The following COL4A2 variants were observed in gnomAD, a reference collection of about 807,000 sequenced individuals.
COL4A2 encodes the protein collagen alpha-2(IV) chain.
COL4A2 carries 99 observed loss-of-function variants against 200.2 expected under a neutral mutation model. That is an observed-to-expected ratio of 0.49 (90% CI 0.42 to 0.58). COL4A2 has a LOEUF of 0.58. COL4A2 is among the 20% of genes least tolerant of loss of function. COL4A2 has a pLI of 0.00. For synonymous variants in COL4A2, 897 were observed against 900.6 expected (o/e 1.00, Z 0.07); for missense variants, 1,950 against 2,314.1 (o/e 0.84, Z 3.23).
intron 24 of COL4A2, 56 bp downstream of exon 24, chr13:110,462,440 T>C: frequency 6.4e-7 from 1 of 1,573,220 alleles, no homozygotes; most frequent in South Asian, 1.1e-5. Flanking sequence ...CTTCAGGTTC[T>C]CCAAACACCC....
chr13:110,377,743 G>A (rs148625658), intron 4 of COL4A2, among the ~76,000 whole-genome samples: 39 of 152,294 alleles, frequency 2.6e-4, no homozygotes, highest in Non-Finnish European at 5.3e-4. Flanking sequence ...ACTAAAAATA[G>A]AGATAATAGA....
At chr13:110,443,856 C>T (rs74124340) in intron 16 of COL4A2, among the ~76,000 whole-genome samples, 3,149 of 152,224 alleles carry the variant, frequency 0.021, 119 homozygotes, top group African/African-American at 0.073. Context: ...TGCGCCTCCC[C>T]GACCCTGTTG....
chr13:110,451,296 G>A (rs1019155237), intron 20 of COL4A2, among the ~76,000 whole-genome samples: 8 of 152,294 alleles, frequency 5.3e-5, no homozygotes, highest in African/African-American at 1.4e-4. Context: ...GGCCACATGC[G>A]GCCCAGGACG....
chr13:110,377,610 G>C (rs1878291202), intron 4 of COL4A2, among the ~76,000 whole-genome samples: 1 of 152,134 alleles, frequency 6.6e-6, no homozygotes, highest in South Asian at 2.1e-4. Context: ...ATTTGACTCA[G>C]GAAAAGCTTT....
chr13:110,366,892 T>C (rs1877779847), intron 4 of COL4A2, among the ~76,000 whole-genome samples: 1 of 152,240 alleles, frequency 6.6e-6, no homozygotes, highest in South Asian at 2.1e-4. Context: ...TTCTGAGCCC[T>C]CTGGCATCTC....
At chr13:110,381,246 T>TGGGCTCTATCTCACACCCAC (rs1566502720) in intron 4 of COL4A2, among the ~76,000 whole-genome samples, 25 of 140,488 alleles carry the variant, frequency 1.8e-4, no homozygotes, top group African/African-American at 6.7e-4. Flanking sequence ...CTCACACCCA[T>TGGGCTCTATCTCACACCCAC]GGGCTCTATC....
chr13:110,513,083 A>G lies in COL4A2; in HGVS notation c.*892A>G, dbSNP rs922236697. 1 of 152,188 alleles carries G rather than the reference A, an allele frequency of 6.6e-6. No individual in the cohort carries two copies. The highest frequency in any genetic ancestry group is 1.9e-4 in the East Asian group (1 of 5,192). The allele number at this position is 152,188 out of a possible 1,614,324, so 9.4% of individuals were successfully genotyped here. The stretch of plus-strand genomic sequence containing the variant: ...TCCATAGAGCAAAACGTCTGCTCAG[A>G]TGGATGCGAGGCACAGCGTCCGCCC... On this transcript the variant is annotated 3_prime_UTR_variant, in exon 48 of 48. Transcript: ENST00000360467.
chr13:110,409,464 T>C (rs530881040), intron 4 of COL4A2, among the ~76,000 whole-genome samples: 1 of 152,376 alleles, frequency 6.6e-6, no homozygotes, highest in South Asian at 2.1e-4. Flanking sequence ...CTGCTGCCGC[T>C]ACACCTTTGT....
chr13:110,424,841 C>T lies in COL4A2; in HGVS notation c.288C>T (p.Pro96=), dbSNP rs370490372. The T allele has an allele frequency of 9.1e-5, 147 of 1,613,882 alleles. No homozygotes were observed. Among genetic ancestry groups the T allele is most frequent in the Middle Eastern group, 1.6e-4 (1 of 6,084 alleles). The change falls in exon 5 of 48, where the codon CCC becomes CCT. Residue 96 remains proline (P), a synonymous_variant. Transcript: ENST00000360467. ...RKGDKGERGA[P]GVTGPKGDVG... ...GAGACAAGGGTGAAAGGGGAGCCCC[C>T]GGAGTAACGGGACCCAAGGGCGACG... is the stretch of plus-strand genomic sequence containing the variant.
chr13:110,316,458 C>A (rs1480375494), intron 3 of COL4A2, among the ~76,000 whole-genome samples: 2 of 152,180 alleles, frequency 1.3e-5, no homozygotes, highest in African/African-American at 4.8e-5. Flanking sequence ...GAGCCACCAG[C>A]CCGGCCCTCC....
intron 20 of COL4A2, among the ~76,000 whole-genome samples, chr13:110,455,592 T>C (rs1881699668): frequency 6.6e-6 from 1 of 152,128 alleles, no homozygotes; most frequent in Non-Finnish European, 1.5e-5. Flanking sequence ...AGTCCATCGG[T>C]TTCATTTCCA....
In COL4A2 at chr13:110,428,457, T is replaced by A; in HGVS notation, c.361-10T>A. 1 of 1,548,128 alleles carries A rather than the reference T, an allele frequency of 6.5e-7. No homozygotes were observed. The highest frequency in any genetic ancestry group is 8.7e-7 in the Non-Finnish European group (1 of 1,145,098). ...TGGTTGGCTGATTCTCTCACTGCTC[T>A]CTTTCCCAGGGACACCCGGGGCAAG... On this transcript the variant is annotated splice_polypyrimidine_tract_variant and intron_variant, in intron 6 of 47. Coordinates refer to ENST00000360467, the MANE Select transcript of COL4A2 (RefSeq NM_001846.4).
chr13:110,339,410 G>A (rs906620652), intron 3 of COL4A2, among the ~76,000 whole-genome samples: 3 of 152,254 alleles, frequency 2.0e-5, no homozygotes, highest in Non-Finnish European at 2.9e-5. Context: ...CCCAGTTTTC[G>A]TGGGAAGAAT....
intron 3 of COL4A2, among the ~76,000 whole-genome samples, chr13:110,356,230 C>G (rs898328558): frequency 2.0e-5 from 3 of 152,192 alleles, no homozygotes; most frequent in African/African-American, 7.2e-5. Context: ...ATCTCCTTCT[C>G]TGATGAAACA....
chr13:110,375,671 A>C (rs1417657616), intron 4 of COL4A2, among the ~76,000 whole-genome samples: 1 of 152,182 alleles, frequency 6.6e-6, no homozygotes, highest in Non-Finnish European at 1.5e-5. Context: ...CTCGACTGAA[A>C]ATACAAAAAT....
In COL4A2 at chr13:110,465,916, C is replaced by A; in HGVS notation, c.1979-87C>A. The A allele has an allele frequency of 2.0e-6, 3 of 1,496,542 alleles. No individual in the cohort carries two copies. In the East Asian group the frequency reaches 6.9e-5, roughly 34 times the overall value. 92.7% of individuals were successfully genotyped at this position (1,496,542 alleles called of 1,614,324 possible). On this transcript the variant is annotated intron_variant, in intron 25 of 47. Coordinates refer to ENST00000360467, the MANE Select transcript of COL4A2 (RefSeq NM_001846.4). Reference sequence around the variant, plus strand: ...CCCCACCAGCAACATATACGACACACCTTCACACACGTGCACGCCCCAGAC... The same window carrying A: ...CCCCACCAGCAACATATACGACACAACTTCACACACGTGCACGCCCCAGAC...
chr13:110,314,744 C>G (rs866790198), intron 3 of COL4A2, among the ~76,000 whole-genome samples: 1 of 152,204 alleles, frequency 6.6e-6, no homozygotes, highest in Non-Finnish European at 1.5e-5. Context: ...CGCGCTCACC[C>G]CTAGGAACGC....
chr13:110,446,698 C>A, intron 17 of COL4A2, 100 bp from the exon 18 acceptor site: 1 of 979,114 alleles, frequency 1.0e-6, no homozygotes, highest in Non-Finnish European at 1.5e-6. Flanking sequence ...CTCTGCCAGC[C>A]TGACGGTCCA....
At chr13:110,388,320 C>A (rs1878845690) in intron 4 of COL4A2, among the ~76,000 whole-genome samples, 1 of 152,242 alleles carries the variant, frequency 6.6e-6, no homozygotes, top group South Asian at 2.1e-4. Flanking sequence ...CTGGTGACTT[C>A]TCTTGGCCAG....
Sources: allele counts gnomAD v4.1 joint callset (sites outside exome capture counted in the v4.1 genomes callset), GRCh38; gene constraint gnomAD v4.1.1; transcripts MANE v1.5; gene names NCBI Gene and HGNC (gene_info 2026-07-23, HGNC 2026-07-21).